The following PSD3 variants were observed in gnomAD, a reference collection of about 807,000 sequenced individuals.
PSD3 encodes pleckstrin and Sec7 domain containing 3.
PSD3 carries 49 observed loss-of-function variants against 105.5 expected under a neutral mutation model. That is an observed-to-expected ratio of 0.46 (90% confidence interval 0.37 to 0.59). PSD3 has a LOEUF of 0.59. Among genes scored for constraint, PSD3 ranks in the 20% least tolerant of loss-of-function variants. The pLI is 0.00. For missense variants in PSD3, 1,561 were observed against 1,263.8 expected (o/e 1.24, Z -3.57); for synonymous variants, 557 against 457.8 (o/e 1.22, Z -2.77).
chr8:19,063,824 T>C (rs760464611), intron 1 of PSD3, among the ~76,000 whole-genome samples: 3 of 152,014 alleles, frequency 2.0e-5, no homozygotes, highest in African/African-American at 4.8e-5. Context: ...GGCAATTTCC[T>C]TGAAGCCTTA....
intron 8 of PSD3, among the ~76,000 whole-genome samples, chr8:18,786,340 A>T (rs1303054551): frequency 6.6e-6 from 1 of 152,262 alleles, no homozygotes; most frequent in Admixed American, 6.5e-5. Context: ...TTTCTACTTT[A>T]AGGAATTATT....
At chr8:18,828,561 G>T (rs1440874415) in intron 4 of PSD3, among the ~76,000 whole-genome samples, 1 of 152,154 alleles carries the variant, frequency 6.6e-6, no homozygotes, top group African/African-American at 2.4e-5. Context: ...AGCACCCTGG[G>T]AGGCCAAGGC....
chr8:18,708,101 CAG>C (rs371661275), intron 9 of PSD3, among the ~76,000 whole-genome samples: 4 of 152,236 alleles, frequency 2.6e-5, no homozygotes, highest in African/African-American at 7.2e-5. Context: ...ATCCTGGAGA[CAG>C]GGGAGAAAGG....
chr8:18,866,430 T>G (rs767778893), intron 4 of PSD3, among the ~76,000 whole-genome samples: 2 of 152,208 alleles, frequency 1.3e-5, no homozygotes, highest in African/African-American at 2.4e-5. Flanking sequence ...TTAGTCTCTA[T>G]TAACCCTTTA....
At chr8:19,084,501 A>G (rs1249436278) in exon 1 of PSD3, 1 of 437,622 alleles carries the variant, frequency 2.3e-6, no homozygotes, top group Non-Finnish European at 4.6e-6. Context: ...CTTCCAGCCC[A>G]TGGAGGGACT....
intron 1 of PSD3, among the ~76,000 whole-genome samples, chr8:18,966,587 C>A (rs1245064446): frequency 1.4e-5 from 2 of 144,120 alleles, no homozygotes; most frequent in Non-Finnish European, 3.1e-5. Context: ...AAAAAAAAAC[C>A]AAAAAACACA....
chr8:18,686,988 CA>C (rs1011460292), intron 9 of PSD3, among the ~76,000 whole-genome samples: 1 of 152,174 alleles, frequency 6.6e-6, no homozygotes, highest in African/African-American at 2.4e-5. Context: ...CATTTGCCAC[CA>C]AAACCCCTAC....
chr8:18,707,577 T>C (rs772337941), intron 9 of PSD3, among the ~76,000 whole-genome samples: 1 of 152,118 alleles, frequency 6.6e-6, no homozygotes, highest in Non-Finnish European at 1.5e-5. Context: ...GACTATGAGA[T>C]AGATATTATC....
intron 13 of PSD3, among the ~76,000 whole-genome samples, chr8:18,573,406 G>A (rs766241703): frequency 1.3e-5 from 2 of 152,146 alleles, no homozygotes; most frequent in Non-Finnish European, 2.9e-5. Context: ...GGAGGCGGAG[G>A]TTGCAGTGAG....
intron 9 of PSD3, among the ~76,000 whole-genome samples, chr8:18,756,003 T>G: frequency 6.6e-6 from 1 of 152,132 alleles, no homozygotes; most frequent in East Asian, 1.9e-4. Flanking sequence ...TTTACTTTAC[T>G]GAAAAAAGCA....
intron 8 of PSD3, among the ~76,000 whole-genome samples, chr8:18,778,946 A>G (rs1158903325): frequency 6.6e-6 from 1 of 152,094 alleles, no homozygotes; most frequent in Non-Finnish European, 1.5e-5. Context: ...TGGTTCTGGC[A>G]TCAAGGTAAT....
chr8:18,554,656 C>T (rs1800961890), intron 15 of PSD3, among the ~76,000 whole-genome samples: 1 of 152,064 alleles, frequency 6.6e-6, no homozygotes, highest in South Asian at 2.1e-4. Flanking sequence ...AGCAAGCACA[C>T]ATAGCAAGGC....
chr8:18,840,167 G>A (rs1398210552), intron 4 of PSD3, among the ~76,000 whole-genome samples: 1 of 152,176 alleles, frequency 6.6e-6, no homozygotes, highest in African/African-American at 2.4e-5. Context: ...AATAAAGCCA[G>A]AAGAGTTTAA....
At chr8:18,994,587 C>A (rs1825970118) in intron 1 of PSD3, among the ~76,000 whole-genome samples, 1 of 151,848 alleles carries the variant, frequency 6.6e-6, no homozygotes, top group Non-Finnish European at 1.5e-5. Context: ...AAAATATAGG[C>A]CAGATTTCTA....
intron 9 of PSD3, among the ~76,000 whole-genome samples, chr8:18,744,412 A>G (rs748150802): frequency 6.6e-6 from 1 of 152,158 alleles, no homozygotes; most frequent in African/African-American, 2.4e-5. Flanking sequence ...CCATACCACT[A>G]CTCATAACTC....
At chr8:18,590,949 T>C (rs1022408197) in intron 12 of PSD3, among the ~76,000 whole-genome samples, 20 of 152,324 alleles carry the variant, frequency 1.3e-4, no homozygotes, top group Non-Finnish European at 2.2e-4. Flanking sequence ...AACTGTGTTA[T>C]ACTATGATTC....
At chr8:18,854,514 C>T (rs1164146190) in intron 4 of PSD3, 5 of 152,160 alleles carry the variant, frequency 3.3e-5, no homozygotes, top group South Asian at 2.1e-4. Context: ...GAGTGGTTGC[C>T]GTTTAAGGGA....
Position 18,732,005 on chromosome 8 carries a change from C to A in PSD3, c.2172+33444G>T, listed in dbSNP as rs138618200. 1.4e-4 allele frequency among the ~76,000 whole-genome samples: 22 copies of A among 152,240 alleles called. No homozygotes were observed. The East Asian group carries it at 3.9e-3, about 27-fold the overall frequency. ...GGGAAAATAAGTCATCTTTTTTCCA[C>A]TGTTTTTCTTTTGAGAGAGACAAGT... is the stretch of plus-strand genomic sequence containing the variant. On this transcript the variant is annotated intron_variant, in intron 9 of 15. Coordinates refer to ENST00000327040, the MANE Select transcript of PSD3 (RefSeq NM_015310.4).
At chr8:19,077,358 G>T (rs1045409450) in intron 1 of PSD3, among the ~76,000 whole-genome samples, 9 of 152,014 alleles carry the variant, frequency 5.9e-5, no homozygotes, top group African/African-American at 2.2e-4. Context: ...AAAATTTAAA[G>T]TTAAATTCTA....
Sources: allele counts gnomAD v4.1 joint callset (sites outside exome capture counted in the v4.1 genomes callset), GRCh38; gene constraint gnomAD v4.1.1; transcripts MANE v1.5; gene names NCBI Gene and HGNC (gene_info 2026-07-23, HGNC 2026-07-21).